MTRR: variants seen among roughly 807,000 people sequenced by gnomAD.
MTRR encodes the protein methionine synthase reductase.
Under a neutral mutation model 79.2 loss-of-function variants are expected in MTRR, and 63 were observed. The ratio of observed to expected loss-of-function variants is 0.80; its 90% CI spans 0.65 to 0.98. The LOEUF (loss-of-function observed/expected upper bound fraction) is 0.98, where lower values mean the gene tolerates loss of function less well. Ranked by LOEUF, MTRR falls within the 50% of genes least tolerant of loss-of-function variation. The pLI, the probability that MTRR is intolerant of heterozygous loss-of-function variation, is 0.00. For missense variants in MTRR, 895 were observed against 839.6 expected, an observed-to-expected ratio of 1.07 and a Z score of -0.82; for synonymous variants, 355 against 313.3, an observed-to-expected ratio of 1.13 and a Z score of -1.41.
Position 7,873,466 on chromosome 5 carries a change from G to A in MTRR, c.223G>A (p.Glu75Lys), listed in dbSNP as rs1270054998. 6.2e-7 allele frequency: 1 copy of A among 1,614,128 alleles called. No individual in the cohort carries two copies. Among genetic ancestry groups the A allele is most frequent in the East Asian group, 2.2e-5 (1 of 44,872 alleles). ...CGACACAGCCCGCAAGTTTGTTAAG[G>A]AAATACAGAACCAAACACTGCCGGT... ...PPDTARKFVK[E>K]IQNQTLPVDF... The change falls in exon 3 of 15, where the codon GAA (glutamate) becomes AAA (lysine). Residue 75 changes from glutamate to lysine, a missense_variant. Coordinates refer to ENST00000440940, the MANE Select transcript of MTRR (RefSeq NM_002454.3).
rs1190315953 is a variant in MTRR at position 7,877,671 on chromosome 5, C to T, written c.402-273C>T. 2.0e-5 allele frequency among the ~76,000 whole-genome samples: 3 copies of T among 152,186 alleles called. No homozygotes were observed. The South Asian group carries it at 6.2e-4, about 32-fold the overall frequency. On this transcript the variant is annotated intron_variant, in intron 4 of 14. Coordinates refer to ENST00000440940, the MANE Select transcript of MTRR (RefSeq NM_002454.3). ...CTGGAATATTAGGAGGAATTCTATT[C>T]CTGTCATCCTATTACTAGAATATCT...
intron 4 of MTRR, among the ~76,000 whole-genome samples, chr5:7,876,804 G>A (rs1734630880): frequency 6.6e-6 from 1 of 152,178 alleles, no homozygotes; most frequent in Admixed American, 6.5e-5. Flanking sequence ...GGGTCAAACG[G>A]ATTAATACAT....
intron 7 of MTRR, 107 bp downstream of exon 7, chr5:7,885,961 A>C: frequency 6.9e-7 from 1 of 1,440,106 alleles, no homozygotes; most frequent in Non-Finnish European, 9.8e-7. Flanking sequence ...GGCCGCACAG[A>C]TGCCTGGGGC....
intron 1 of MTRR, among the ~76,000 whole-genome samples, chr5:7,857,531 A>G (rs947576254): frequency 2.0e-5 from 3 of 152,102 alleles, no homozygotes; most frequent in African/African-American, 4.8e-5. Context: ...GCCATTGACA[A>G]TTGCGCCCCT....
At chr5:7,878,720 G>A (rs1314152034) in intron 5 of MTRR, among the ~76,000 whole-genome samples, 1 of 152,260 alleles carries the variant, frequency 6.6e-6, no homozygotes, top group Non-Finnish European at 1.5e-5. Context: ...CATTTTAGAT[G>A]AGTCAAACAG....
intron 7 of MTRR, 58 bp downstream of exon 7, chr5:7,885,912 G>A: frequency 6.2e-7 from 1 of 1,609,098 alleles, no homozygotes; most frequent in South Asian, 1.1e-5. Flanking sequence ...TGGAGCTGAT[G>A]GTGAGAGTGT....
intron 4 of MTRR, among the ~76,000 whole-genome samples, chr5:7,875,971 T>C (rs887466132): frequency 5.3e-5 from 8 of 152,262 alleles, no homozygotes; most frequent in African/African-American, 1.9e-4. Flanking sequence ...TCCTGATGTG[T>C]TTATTCAGTG....
intron 11 of MTRR, 42 bp downstream of exon 11, chr5:7,892,955 CT>C: frequency 6.4e-7 from 1 of 1,573,206 alleles, no homozygotes; most frequent in Non-Finnish European, 8.7e-7. Flanking sequence ...TTAACTCATA[CT>C]CTTTGTTTCA....
intron 1 of MTRR, chr5:7,870,132 A>G: frequency 1.0e-6 from 1 of 964,970 alleles, no homozygotes; most frequent in Non-Finnish European, 1.2e-6. Context: ...TGGATTGGAA[A>G]TATTTTTTCG....
intron 1 of MTRR, chr5:7,869,509 C>T (rs1747493112): frequency 2.4e-6 from 1 of 422,872 alleles, no homozygotes; most frequent in Non-Finnish European, 4.4e-6. Flanking sequence ...TAGGCGCTTT[C>T]CAGGCCTAGG....
In MTRR at chr5:7,885,697, C is replaced by G. The variant is rs370809675; in HGVS notation, c.904-4C>G. The G allele has an allele frequency of 2.6e-5, 41 of 1,600,554 alleles. No homozygotes were observed. The African/African-American group carries it at 5.4e-4, about 21-fold the overall frequency. ...TTTTTTTTTTCATTTTGGCTCTTCT[C>G]TAGAATACAGACTTTTCCTATCAGC... On this transcript the variant is annotated splice_polypyrimidine_tract_variant and splice_region_variant and intron_variant, in intron 6 of 14. Transcript: ENST00000440940.
exon 1 of MTRR, chr5:7,851,309 C>T (rs527646355): frequency 1.8e-5 from 6 of 332,528 alleles, no homozygotes; most frequent in Non-Finnish European, 2.2e-5. Flanking sequence ...CGGGGACTAC[C>T]CATTTCCAGC....
upstream of MTRR, chr5:7,850,884 G>C: frequency 7.5e-7 from 1 of 1,330,832 alleles, no homozygotes; most frequent in African/African-American, 1.5e-5. Context: ...CCCGCGCCGG[G>C]CGGTAGTAGT....
At chr5:7,875,113 A>C (rs1031350477) in intron 3 of MTRR, 145 bp from the exon 4 acceptor site, 4 of 696,652 alleles carry the variant, frequency 5.7e-6, no homozygotes, top group African/African-American at 1.8e-5. Context: ...AGAATTACTC[A>C]AGGAAAATAA....
chr5:7,870,481 T>G, intron 1 of MTRR: 1 of 393,966 alleles, frequency 2.5e-6, no homozygotes, highest in Non-Finnish European at 4.8e-6. Flanking sequence ...TTTGGGGAGC[T>G]TGTCTACAGG....
intron 11 of MTRR, among the ~76,000 whole-genome samples, chr5:7,894,386 C>T (rs1293915669): frequency 6.6e-6 from 1 of 151,914 alleles, no homozygotes; most frequent in Admixed American, 6.6e-5. Flanking sequence ...CACATCTAAG[C>T]AGGAGCACTA....
rs1269812432 is a variant in MTRR at position 7,896,845 on chromosome 5, T to C, written c.1677-19T>C. On this transcript the variant is annotated intron_variant, in intron 12 of 14. Transcript: ENST00000440940. The stretch of plus-strand genomic sequence containing the variant: ...TATTCTTTATATCACACACCTAAAC[T>C]TTTTTTTTTTCCACTTAGAGAGAAA... 6.9e-6 allele frequency: 7 copies of C among 1,019,064 alleles called. No homozygotes were observed. Among genetic ancestry groups the C allele is most frequent in the Non-Finnish European group, 8.4e-6 (6 of 717,754 alleles). 63.1% of individuals were successfully genotyped at this position (1,019,064 alleles called of 1,614,324 possible). A position where few individuals can be genotyped will look rare whatever the true frequency, so the allele number is the denominator to read the frequency against.
chr5:7,893,963 T>C (rs1416263178), intron 11 of MTRR, among the ~76,000 whole-genome samples: 1 of 152,162 alleles, frequency 6.6e-6, no homozygotes, highest in African/African-American at 2.4e-5. Flanking sequence ...GAAGAAATAT[T>C]ATAGTACTGA....
At chr5:7,852,192 G>A (rs1746096229) in intron 1 of MTRR, among the ~76,000 whole-genome samples, 1 of 152,190 alleles carries the variant, frequency 6.6e-6, no homozygotes, top group Non-Finnish European at 1.5e-5. Flanking sequence ...GCAGTGCCCT[G>A]CCTTCTTCCC....
Sources: gnomAD v4.1 joint callset for allele counts (sites outside exome capture counted in the v4.1 genomes callset) on GRCh38, gnomAD v4.1.1 for gene constraint, MANE v1.5 for transcripts, NCBI Gene and HGNC (gene_info 2026-07-23, HGNC 2026-07-21) for gene names.